The following NSF variants were observed in gnomAD, a reference collection of about 807,000 sequenced individuals.
The protein encoded by NSF is vesicle-fusing ATPase.
In NSF, 14 loss-of-function variants were observed where a neutral mutation model predicts 50.3. The ratio of observed to expected loss-of-function variants is 0.28; its 90% CI spans 0.18 to 0.44. The LOEUF (loss-of-function observed/expected upper bound fraction) is 0.44, where lower values mean the gene tolerates loss of function less well. NSF is among the 20% of genes least tolerant of loss of function. NSF has a pLI of 1.00. For synonymous variants in NSF, 109 were observed against 175.7 expected (o/e 0.62, Z 3.00); for missense variants, 218 against 504.3 (o/e 0.43, Z 5.44).
chr17:46,755,432 C>A, intron 20 of NSF, 63 bp downstream of exon 20: 1 of 1,318,824 alleles, frequency 7.6e-7, no homozygotes, highest in Non-Finnish European at 1.1e-6. Flanking sequence ...ATCCCTGTGC[C>A]TATTCTAAGA....
chr17:46,730,882 A>G (rs1024969573), intron 17 of NSF, among the ~76,000 whole-genome samples: 12 of 152,214 alleles, frequency 7.9e-5, no homozygotes, highest in African/African-American at 2.2e-4. Context: ...CATACCTGCT[A>G]GAATGGCTAT....
rs1253112111 is a variant in NSF at position 46,751,622 on chromosome 17, G to A, written c.2157+6G>A. On this transcript the variant is annotated splice_donor_region_variant and intron_variant, in intron 19 of 20. Coordinates refer to ENST00000398238, the MANE Select transcript of NSF (RefSeq NM_006178.4). ...TGATCGAGATGTCCCTACAGGTAAG[G>A]TACTTCGTTCTCCGTATGACTCAGA... 1.3e-6 allele frequency: 2 copies of A among 1,583,322 alleles called. No individual in the cohort carries two copies. Among genetic ancestry groups the A allele is most frequent in the South Asian group, 2.2e-5 (2 of 90,022 alleles).
intron 15 of NSF, among the ~76,000 whole-genome samples, chr17:46,725,723 T>C (rs550026236): frequency 6.6e-6 from 1 of 152,250 alleles, no homozygotes; most frequent in South Asian, 2.1e-4. Context: ...GGGTTTACTA[T>C]CTTGGTGTGC....
At position 46,751,604 on chromosome 17, in the gene NSF, G is replaced by A. The variant is rs767702555; in HGVS notation, c.2145G>A (p.Glu715=). The stretch of plus-strand genomic sequence containing the variant: ...TCAAGAAGTTACTAATGCTGATCGA[G>A]ATGTCCCTACAGGTAAGGTACTTCG... ...IGIKKLLMLI[E]MSLQMDPEYR... is the part of the protein sequence containing the mutation. Residue 715 remains glutamate (E), a synonymous_variant, in exon 19 of 21, where the codon GAG becomes GAA. Transcript: ENST00000398238. 9.9e-6 allele frequency: 16 copies of A among 1,610,656 alleles called. No individual in the cohort carries two copies. In the Admixed American group the frequency reaches 2.7e-4, roughly 27 times the overall value.
At chr17:46,742,256 G>A (rs969366535) in intron 17 of NSF, among the ~76,000 whole-genome samples, 1 of 152,166 alleles carries the variant, frequency 6.6e-6, no homozygotes, top group Non-Finnish European at 1.5e-5. Context: ...GGGGCTCAGA[G>A]GTGTAGACTC....
rs1044736097 is a variant in NSF at position 46,756,056 on chromosome 17, A to G, written c.*233A>G. The G allele has an allele frequency of 7.9e-6, 4 of 505,976 alleles. No individual in the cohort carries two copies. Among genetic ancestry groups the G allele is most frequent in the African/African-American group, 7.8e-5 (4 of 51,306 alleles). 31.3% of individuals were successfully genotyped at this position (505,976 alleles called of 1,614,324 possible). A position where few individuals can be genotyped will look rare whatever the true frequency, so the allele number is the denominator to read the frequency against. On this transcript the variant is annotated 3_prime_UTR_variant, in exon 21 of 21. Transcript: ENST00000398238. ...TTTAGAATGCTGCGCTTACCTTCCC[A>G]TGCAGGCTAAAGTGATTCCTTCTTG...
rs961235840 is a variant in NSF at position 46,709,340 on chromosome 17, TA to T, written c.1471-1613del. ...TTATTTATTCCAAGGGTCTGGAGGA[TA>T]AAAAAAAAATGAAATTATGGGATAT... is the stretch of plus-strand genomic sequence containing the variant. On this transcript the variant is annotated intron_variant, in intron 13 of 20. Transcript: ENST00000398238. 4.8e-4 allele frequency among the ~76,000 whole-genome samples: 71 copies of T among 148,068 alleles called. 1 individual carries two copies. The highest frequency in any genetic ancestry group is 6.1e-4 in the Admixed American group (9 of 14,848).
chr17:46,642,023 CA>C lies in NSF; in HGVS notation c.590-1080del, dbSNP rs1052435936. 8.1e-5 allele frequency among the ~76,000 whole-genome samples: 9 copies of C among 110,458 alleles called. 1 individual carries two copies. Among genetic ancestry groups the C allele is most frequent in the African/African-American group, 3.4e-4 (9 of 26,720 alleles). 72.5% of individuals were successfully genotyped at this position (110,458 alleles called of 152,430 possible). ...CTTTCATAGGTATTTCTAAGTAATCCATGGGAAAAAAATTGTGTAGTTAATT... is the reference window on the plus strand; with the variant it reads ...CTTTCATAGGTATTTCTAAGTAATCCTGGGAAAAAAATTGTGTAGTTAATT... On this transcript the variant is annotated intron_variant, in intron 7 of 20. Transcript: ENST00000398238.
At chr17:46,745,766 A>G (rs1271774820) in intron 17 of NSF, among the ~76,000 whole-genome samples, 1 of 152,244 alleles carries the variant, frequency 6.6e-6, no homozygotes, top group Non-Finnish European at 1.5e-5. Flanking sequence ...GTTAGCCTTT[A>G]GGGCTATGTT....
chr17:46,622,425 T>A (rs1265393281), intron 1 of NSF, among the ~76,000 whole-genome samples: 2 of 149,768 alleles, frequency 1.3e-5, no homozygotes, highest in Non-Finnish European at 2.9e-5. Context: ...ACCAGGGCAG[T>A]CCAGCCTGGG....
At chr17:46,726,719 A>G in intron 16 of NSF, 104 bp downstream of exon 16, 1 of 976,052 alleles carries the variant, frequency 1.0e-6, no homozygotes, top group Non-Finnish European at 1.7e-6. Context: ...GTAAAGCAAT[A>G]GAAATACCTT....
intron 4 of NSF, among the ~76,000 whole-genome samples, chr17:46,633,897 G>T: frequency 9.8e-6 from 1 of 101,574 alleles, no homozygotes; most frequent in Non-Finnish European, 1.8e-5. Flanking sequence ...TTGAGACAGA[G>T]TTTCACTCTT....
chr17:46,727,237 T>C (rs1187478728), intron 16 of NSF, among the ~76,000 whole-genome samples: 1 of 152,182 alleles, frequency 6.6e-6, no homozygotes, highest in Admixed American at 6.5e-5. Flanking sequence ...TCCTACAGAA[T>C]ACAAACATGA....
At chr17:46,685,373 T>C (rs2058487494) in intron 9 of NSF, among the ~76,000 whole-genome samples, 1 of 151,330 alleles carries the variant, frequency 6.6e-6, no homozygotes, top group South Asian at 2.1e-4. Flanking sequence ...AGAAATGGCT[T>C]GATGTACTCA....
At chr17:46,687,437 G>T (rs1174255205) in intron 9 of NSF, among the ~76,000 whole-genome samples, 2 of 150,754 alleles carry the variant, frequency 1.3e-5, no homozygotes, top group African/African-American at 2.4e-5. Context: ...TTTCCCTTCT[G>T]CAGCTTCCTT....
chr17:46,725,993 A>G (rs2058885611), intron 15 of NSF, among the ~76,000 whole-genome samples: 1 of 152,160 alleles, frequency 6.6e-6, no homozygotes, highest in Non-Finnish European at 1.5e-5. Flanking sequence ...TTTCTTGACC[A>G]TCTTAAGACA....
intron 14 of NSF, 115 bp downstream of exon 14, chr17:46,711,234 T>C: frequency 9.9e-7 from 1 of 1,008,996 alleles, no homozygotes; most frequent in Non-Finnish European, 1.4e-6. Flanking sequence ...AACCTTGTTC[T>C]TGATCTGAAA....
intron 1 of NSF, among the ~76,000 whole-genome samples, chr17:46,601,842 G>A (rs545519897): frequency 1.7e-4 from 26 of 150,548 alleles, no homozygotes; most frequent in South Asian, 4.2e-4. Flanking sequence ...GCTCTTTTCC[G>A]TATGAATTCT....
At chr17:46,678,326 A>T (rs1289726193) in intron 9 of NSF, among the ~76,000 whole-genome samples, 1 of 100,580 alleles carries the variant, frequency 9.9e-6, no homozygotes, top group Non-Finnish European at 2.0e-5. Flanking sequence ...CTAAAAATAA[A>T]CAAATATAAA....
Sources: allele counts gnomAD v4.1 joint callset (sites outside exome capture counted in the v4.1 genomes callset), GRCh38; gene constraint gnomAD v4.1.1; transcripts MANE v1.5; gene names NCBI Gene and HGNC (gene_info 2026-07-23, HGNC 2026-07-21).